SMC3: variants seen among roughly 807,000 people sequenced by gnomAD.
SMC3 encodes structural maintenance of chromosomes 3, also known as structural maintenance of chromosomes protein 3.
SMC3 carries 20 observed loss-of-function variants against 171.8 expected under a neutral mutation model. The observed-to-expected ratio is 0.12, with a 90% CI of 0.08 to 0.17. The LOEUF (loss-of-function observed/expected upper bound fraction) is 0.17. Ranked by LOEUF, SMC3 falls within the 10% of genes least tolerant of loss-of-function variation. The pLI is 1.00. For missense variants in SMC3, 543 were observed against 1,420.4 expected (o/e 0.38, Z 9.93); for synonymous variants, 464 against 451.1 (o/e 1.03, Z -0.36).
intron 1 of SMC3, among the ~76,000 whole-genome samples, 164 bp from the exon 2 acceptor site, chr10:110,568,774 T>A (rs1860823075): frequency 6.6e-6 from 1 of 152,164 alleles, no homozygotes; most frequent in Non-Finnish European, 1.5e-5. Flanking sequence ...TACCTTTTTT[T>A]TTTTTTAGCA....
In SMC3 at chr10:110,600,557, G is replaced by GTT. The variant is rs397847637; in HGVS notation, c.2535+27_2535+28dup. On this transcript the variant is annotated intron_variant, in intron 22 of 28. Coordinates refer to ENST00000361804, the MANE Select transcript of SMC3 (RefSeq NM_005445.4). Reference sequence around the variant, plus strand: ...GACCAAGTAGAACAGGTGTGTATGTGTTTTTTTTTTTTTTTTTAAGGGCTC... The same window carrying GTT: ...GACCAAGTAGAACAGGTGTGTATGTGTTTTTTTTTTTTTTTTTTTAAGGGCTC... The GTT allele has an allele frequency of 5.6e-3, 5,429 of 966,828 alleles. No homozygotes were observed. Among genetic ancestry groups the GTT allele is most frequent in the South Asian group, 6.3e-3 (453 of 72,100 alleles). 59.9% of individuals were successfully genotyped at this position (966,828 alleles called of 1,614,324 possible).
chr10:110,584,024 C>T (rs1375568545), intron 12 of SMC3, 62 bp downstream of exon 12: 13 of 1,589,772 alleles, frequency 8.2e-6, no homozygotes, highest in Admixed American at 5.1e-5. Context: ...CTAGGTTGTC[C>T]GAGGAGCTCA....
Position 110,604,945 on chromosome 10 carries a change from T to C in SMC3, c.*643T>C, listed in dbSNP as rs1228848501. On this transcript the variant is annotated 3_prime_UTR_variant, in exon 29 of 29. Transcript: ENST00000361804. Reference sequence around the variant, plus strand: ...TTTCTAGGATCCCACAGAGGATACATTACATTTACTTACATCTCCTCTAGT... The same window carrying C: ...TTTCTAGGATCCCACAGAGGATACACTACATTTACTTACATCTCCTCTAGT... Among the ~76,000 whole-genome samples the C allele has an allele frequency of 6.6e-6, 1 of 152,216 alleles. No homozygotes were observed.
In SMC3 at chr10:110,583,403, G is replaced by C; in HGVS notation, c.824G>C (p.Arg275Thr). ...GAATAGGATATCGAACGCCAAGTTA[G>C]AGAATTGAAAACAAAAATTTCAGCT... ...DKMEDIERQV[R>T]ELKTKISAMK... Residue 275 changes from arginine to threonine, a missense_variant, in exon 11 of 29, where the codon AGA becomes ACA. Coordinates refer to ENST00000361804, the MANE Select transcript of SMC3 (RefSeq NM_005445.4). 1 of 1,613,774 alleles carries C rather than the reference G, an allele frequency of 6.2e-7. No individual in the cohort carries two copies. The highest frequency in any genetic ancestry group is 8.5e-7 in the Non-Finnish European group (1 of 1,179,904).
chr10:110,598,051 GAAGGGATACAT>G, intron 19 of SMC3, 77 bp from the exon 20 acceptor site: 1 of 1,216,112 alleles, frequency 8.2e-7, no homozygotes, highest in Non-Finnish European at 1.2e-6. Context: ...TAAAGAAAAG[GAAGGGATACAT>G]GGTGTTGTGT....
Position 110,589,574 on chromosome 10 carries a change from T to C in SMC3, c.1306-31T>C, listed in dbSNP as rs755362487. On this transcript the variant is annotated intron_variant, in intron 13 of 28. Coordinates refer to ENST00000361804, the MANE Select transcript of SMC3 (RefSeq NM_005445.4). ...ATCAGTGTAGATTAGTTTCATGAAATTGAATTTTAAATTTATTTTTATTTC... is the reference window on the plus strand; with the variant it reads ...ATCAGTGTAGATTAGTTTCATGAAACTGAATTTTAAATTTATTTTTATTTC... 3 of 1,424,284 alleles carry C rather than the reference T, an allele frequency of 2.1e-6. No homozygotes were observed. In the South Asian group the frequency reaches 3.6e-5, roughly 17 times the overall value. 88.2% of individuals were successfully genotyped at this position (1,424,284 alleles called of 1,614,324 possible).
chr10:110,603,509 C>G (rs1052969482), intron 28 of SMC3, among the ~76,000 whole-genome samples: 12 of 152,160 alleles, frequency 7.9e-5, no homozygotes, highest in African/African-American at 2.9e-4. Context: ...TAAACAATAT[C>G]TTTCTGTCCA....
intron 2 of SMC3, among the ~76,000 whole-genome samples, chr10:110,572,826 C>A (rs1430424631): frequency 6.6e-6 from 1 of 152,144 alleles, no homozygotes; most frequent in African/African-American, 2.4e-5. Context: ...TCTCCTCCTT[C>A]CTTACCTACT....
intron 2 of SMC3, among the ~76,000 whole-genome samples, chr10:110,570,753 A>T (rs566046868): frequency 2.0e-5 from 3 of 152,292 alleles, no homozygotes; most frequent in Non-Finnish European, 4.4e-5. Flanking sequence ...TAGTTGTGTT[A>T]CCTCTGTGAT....
At chr10:110,594,994 ATTT>A (rs529113248) in intron 18 of SMC3, among the ~76,000 whole-genome samples, 1 of 145,658 alleles carries the variant, frequency 6.9e-6, no homozygotes, top group Admixed American at 6.8e-5. Context: ...TCTTCTCTTT[ATTT>A]TTTTTTTTTG....
At chr10:110,604,114 AAAAC>A in intron 28 of SMC3, 113 bp from the exon 29 acceptor site, 1 of 556,014 alleles carries the variant, frequency 1.8e-6, no homozygotes. Context: ...AAAAAAAAAA[AAAAC>A]TAAAAATTAA....
At position 110,602,938 on chromosome 10, in the gene SMC3, T is replaced by C. The variant is rs1861409335; in HGVS notation, c.3411T>C (p.Ala1137=). The C allele has an allele frequency of 5.0e-6, 8 of 1,614,164 alleles. No homozygotes were observed. The South Asian group carries it at 8.8e-5, about 18-fold the overall frequency. The part of the protein sequence containing the change: ...LIFAIQKCDP[A]PFYLFDEIDQ... ...TTGCCATTCAGAAATGTGACCCGGC[T>C]CCATTTTACTTGTTTGATGAAATTG... The change falls in exon 27 of 29, where the codon GCT becomes GCC. Residue 1137 remains alanine (A), a synonymous_variant. Transcript: ENST00000361804.
At chr10:110,583,589 G>A (rs1303305344) in intron 11 of SMC3, 41 bp downstream of exon 11, 1 of 1,596,576 alleles carries the variant, frequency 6.3e-7, no homozygotes, top group East Asian at 2.2e-5. Flanking sequence ...GAATGTTCAG[G>A]TGAGTAGCAA....
At chr10:110,592,389 C>T (rs1372660555) in intron 17 of SMC3, among the ~76,000 whole-genome samples, 4 of 152,120 alleles carry the variant, frequency 2.6e-5, no homozygotes, top group Non-Finnish European at 4.4e-5. Flanking sequence ...AGGAGCACAC[C>T]CATGACTTCT....
intron 3 of SMC3, among the ~76,000 whole-genome samples, chr10:110,574,013 C>T (rs1211570183): frequency 6.6e-6 from 1 of 152,058 alleles, no homozygotes; most frequent in East Asian, 1.9e-4. Flanking sequence ...TGGATGTTTG[C>T]CCTGTCTACC....
chr10:110,578,850 C>T lies in SMC3; in HGVS notation c.429+144C>T, dbSNP rs1003557913. 18 of 653,400 alleles carry T rather than the reference C, an allele frequency of 2.8e-5. No homozygotes were observed. In the African/African-American group the frequency reaches 3.3e-4, roughly 12 times the overall value. The allele number at this position is 653,400 out of a possible 1,614,324, so 40.5% of individuals were successfully genotyped here. A position where few individuals can be genotyped will look rare whatever the true frequency, so the allele number is the denominator to read the frequency against. The stretch of plus-strand genomic sequence containing the variant: ...CATGGCCATAAAGTACCAAATAGGT[C>T]CATTGCATGTTGAGATGGAAGTATT... On this transcript the variant is annotated intron_variant, in intron 7 of 28. Coordinates refer to ENST00000361804, the MANE Select transcript of SMC3 (RefSeq NM_005445.4).
At chr10:110,603,401 T>C (rs983219738) in intron 28 of SMC3, 111 bp downstream of exon 28, 1 of 722,052 alleles carries the variant, frequency 1.4e-6, no homozygotes, top group Non-Finnish European at 2.4e-6. Context: ...TCTTTGCTTA[T>C]CTGATGTCTT....
At position 110,589,482 on chromosome 10, in the gene SMC3, C is replaced by CTT. The variant is rs1477313957; in HGVS notation, c.1306-121_1306-120dup. 4.4e-6 allele frequency: 3 copies of CTT among 684,366 alleles called. No homozygotes were observed. In the Admixed American group the frequency reaches 7.2e-5, roughly 16 times the overall value. The allele number at this position is 684,366 out of a possible 1,614,324, so 42.4% of individuals were successfully genotyped here. On this transcript the variant is annotated intron_variant, in intron 13 of 28. Coordinates refer to ENST00000361804, the MANE Select transcript of SMC3 (RefSeq NM_005445.4). The stretch of plus-strand genomic sequence containing the variant: ...TTACCCAAAAGCGTTTTCCATACCC[C>CTT]TTTGTAATTCCTCCCTCACCTTTTG...
In SMC3 at chr10:110,601,054, T is replaced by A. The variant is rs1420068329; in HGVS notation, c.2568T>A (p.Gly856=). The part of the protein sequence containing the change: ...ELNELRETEG[G]TVLTATTSEL... ...ATGAGCTGAGAGAGACAGAAGGGGG[T>A]ACTGTTCTCACAGCCACAACATCAG... Residue 856 remains glycine, a synonymous_variant, in exon 23 of 29, where the codon GGT becomes GGA. Transcript: ENST00000361804. 5.0e-6 allele frequency: 8 copies of A among 1,613,458 alleles called. No individual in the cohort carries two copies. The highest frequency in any genetic ancestry group is 1.7e-4 in the Middle Eastern group (1 of 6,054).
Sources: gnomAD v4.1 joint callset for allele counts (sites outside exome capture counted in the v4.1 genomes callset) on GRCh38, gnomAD v4.1.1 for gene constraint, MANE v1.5 for transcripts, NCBI Gene and HGNC (gene_info 2026-07-23, HGNC 2026-07-21) for gene names.